AUTS2: variants seen among roughly 807,000 people sequenced by gnomAD.
AUTS2 encodes activator of transcription and developmental regulator AUTS2.
In AUTS2, 17 loss-of-function variants were observed where a neutral mutation model predicts 112.4. The observed-to-expected ratio is 0.15, with a 90% CI of 0.10 to 0.23. The LOEUF (loss-of-function observed/expected upper bound fraction) is 0.23. Ranked by LOEUF, AUTS2 falls within the 10% of genes least tolerant of loss-of-function variation. The probability of loss-of-function intolerance (pLI) is 1.00; values close to 1 mark genes in which losing one functional copy is unlikely to be tolerated. For missense variants in AUTS2, 1,510 were observed against 1,701.6 expected (o/e 0.89, Z 1.98); for synonymous variants, 751 against 702.7 (o/e 1.07, Z -1.09).
intron 2 of AUTS2, among the ~76,000 whole-genome samples, chr7:70,053,296 A>T (rs1197071726): frequency 1.3e-5 from 2 of 152,152 alleles, no homozygotes; most frequent in East Asian, 1.9e-4. Flanking sequence ...CAAAAAATCT[A>T]AAACCAGATC....
intron 4 of AUTS2, among the ~76,000 whole-genome samples, chr7:70,303,191 G>A (rs767875084): frequency 3.3e-5 from 5 of 152,176 alleles, no homozygotes; most frequent in Non-Finnish European, 5.9e-5. Context: ...GCTCTGTTGC[G>A]CAGGAATGGG....
intron 11 of AUTS2, among the ~76,000 whole-genome samples, chr7:70,772,692 G>A (rs1205403925): frequency 6.6e-6 from 1 of 152,324 alleles, no homozygotes; most frequent in South Asian, 2.1e-4. Flanking sequence ...GCATTGAATT[G>A]CATTGAATTC....
At chr7:70,402,612 G>T (rs887846348) in intron 4 of AUTS2, among the ~76,000 whole-genome samples, 1 of 152,176 alleles carries the variant, frequency 6.6e-6, no homozygotes, top group Non-Finnish European at 1.5e-5. Context: ...AGAGAGAAAG[G>T]CTTGCATGCG....
At chr7:70,498,703 C>T (rs1798657779) in intron 5 of AUTS2, among the ~76,000 whole-genome samples, 1 of 152,154 alleles carries the variant, frequency 6.6e-6, no homozygotes, top group Non-Finnish European at 1.5e-5. Context: ...TTGATTCTCT[C>T]TTTCATTTAT....
intron 5 of AUTS2, among the ~76,000 whole-genome samples, chr7:70,554,393 CTTTTTT>C (rs34757734): frequency 6.0e-5 from 7 of 116,048 alleles, no homozygotes; most frequent in Admixed American, 9.3e-5. Flanking sequence ...TCTTTTCTTT[CTTTTTT>C]TTTTTTTTTT....
intron 2 of AUTS2, among the ~76,000 whole-genome samples, chr7:69,902,106 T>C (rs561453732): frequency 6.6e-6 from 1 of 152,268 alleles, no homozygotes; most frequent in Admixed American, 6.5e-5. Flanking sequence ...TTTCATGTAA[T>C]ATGAAGACAT....
intron 1 of AUTS2, among the ~76,000 whole-genome samples, chr7:69,839,884 GA>G (rs1480871812): frequency 6.6e-6 from 1 of 152,122 alleles, no homozygotes; most frequent in Non-Finnish European, 1.5e-5. Flanking sequence ...AGGTGGAGGA[GA>G]GGGGGGATGG....
intron 1 of AUTS2, among the ~76,000 whole-genome samples, chr7:69,659,939 C>A (rs758052522): frequency 1.3e-5 from 2 of 152,054 alleles, no homozygotes; most frequent in Non-Finnish European, 2.9e-5. Flanking sequence ...AGTTGTTAAC[C>A]CTTTTGATCA....
At chr7:70,504,115 G>A (rs374218064) in intron 5 of AUTS2, among the ~76,000 whole-genome samples, 11 of 149,294 alleles carry the variant, frequency 7.4e-5, no homozygotes, top group South Asian at 6.3e-4. Context: ...CTCATCTGTC[G>A]TCTTGCAGGC....
At chr7:69,739,077 G>T (rs1044882630) in intron 1 of AUTS2, among the ~76,000 whole-genome samples, 10 of 152,082 alleles carry the variant, frequency 6.6e-5, no homozygotes, top group African/African-American at 2.4e-4. Context: ...GGTGGAGGTT[G>T]TTAAAAAGCA....
intron 4 of AUTS2, among the ~76,000 whole-genome samples, chr7:70,367,451 G>C (rs1329343609): frequency 6.6e-6 from 1 of 151,596 alleles, no homozygotes; most frequent in Non-Finnish European, 1.5e-5. Context: ...AACTACTTGG[G>C]AGGCTAAGGC....
At chr7:70,678,946 A>G (rs977557732) in intron 5 of AUTS2, among the ~76,000 whole-genome samples, 3 of 152,182 alleles carry the variant, frequency 2.0e-5, no homozygotes, top group Non-Finnish European at 4.4e-5. Context: ...TGGCCCAATC[A>G]GAGTCTTATA....
At chr7:70,291,739 T>A (rs777031374) in intron 4 of AUTS2, 1 of 152,218 alleles carries the variant, frequency 6.6e-6, no homozygotes, top group African/African-American at 2.4e-5. Flanking sequence ...TTCATTCTAA[T>A]CAGTAATTTT....
At chr7:70,399,375 A>G (rs1230860099) in intron 4 of AUTS2, among the ~76,000 whole-genome samples, 1 of 152,024 alleles carries the variant, frequency 6.6e-6, no homozygotes, top group African/African-American at 2.4e-5. Flanking sequence ...TTGTACATAC[A>G]TTGCTAAGGT....
chr7:70,024,567 G>T (rs1800427578), intron 2 of AUTS2, among the ~76,000 whole-genome samples: 1 of 151,706 alleles, frequency 6.6e-6, no homozygotes, highest in Non-Finnish European at 1.5e-5. Flanking sequence ...CACTATTTTT[G>T]TTGACCTGTA....
At chr7:70,399,644 T>C in intron 4 of AUTS2, among the ~76,000 whole-genome samples, 1 of 152,192 alleles carries the variant, frequency 6.6e-6, no homozygotes, top group East Asian at 1.9e-4. Context: ...AAAACACTCT[T>C]GTTTGGTTTG....
intron 4 of AUTS2, among the ~76,000 whole-genome samples, chr7:70,383,456 A>G (rs1261746630): frequency 6.6e-6 from 1 of 152,230 alleles, no homozygotes; most frequent in African/African-American, 2.4e-5. Context: ...CCTGTAAGAA[A>G]GCCATTCATT....
At chr7:70,583,953 A>G (rs144108126) in intron 5 of AUTS2, among the ~76,000 whole-genome samples, 9 of 152,360 alleles carry the variant, frequency 5.9e-5, no homozygotes, top group African/African-American at 1.9e-4. Flanking sequence ...AACAAAATTA[A>G]TTTTAAAAAT....
intron 4 of AUTS2, among the ~76,000 whole-genome samples, chr7:70,256,439 G>A (rs1003868025): frequency 1.3e-5 from 2 of 152,140 alleles, no homozygotes; most frequent in Admixed American, 6.5e-5. Context: ...GCTTATAGTG[G>A]CTGAAGGTTG....
Sources: gnomAD v4.1 joint callset for allele counts (sites outside exome capture counted in the v4.1 genomes callset) on GRCh38, gnomAD v4.1.1 for gene constraint, MANE v1.5 for transcripts, NCBI Gene and HGNC (gene_info 2026-07-23, HGNC 2026-07-21) for gene names.